Variants in FTO observed in about 807,000 individuals in gnomAD.
FTO encodes FTO alpha-ketoglutarate dependent dioxygenase, also known as alpha-ketoglutarate-dependent dioxygenase FTO.
A neutral mutation model predicts 63.9 loss-of-function variants in FTO; 47 were observed. The observed-to-expected ratio is 0.74, with a 90% confidence interval of 0.58 to 0.94. FTO has a LOEUF of 0.94. Ranked by LOEUF, FTO falls within the 40% of genes least tolerant of loss-of-function variation. The pLI is 0.00. For synonymous variants in FTO, 207 were observed against 224.4 expected (o/e 0.92, Z 0.69); for missense variants, 562 against 618.1 (o/e 0.91, Z 0.96).
chr16:54,057,154 A>G (rs189474422), intron 8 of FTO, among the ~76,000 whole-genome samples: 1 of 152,348 alleles, frequency 6.6e-6, no homozygotes, highest in East Asian at 1.9e-4. Context: ...GGTCTCTAAT[A>G]TAACCCTCCC....
chr16:53,722,129 T>TA (rs1214766249), intron 1 of FTO, among the ~76,000 whole-genome samples: 1 of 152,212 alleles, frequency 6.6e-6, no homozygotes, highest in Non-Finnish European at 1.5e-5. Context: ...TTCATCTCTT[T>TA]CCTTACCGAC....
intron 2 of FTO, among the ~76,000 whole-genome samples, chr16:53,812,703 C>T (rs756850510): frequency 1.3e-5 from 2 of 152,112 alleles, no homozygotes; most frequent in Non-Finnish European, 2.9e-5. Flanking sequence ...TGCTTCTACA[C>T]ACGTACACAC....
chr16:54,028,495 T>C (rs1197043364), intron 8 of FTO, among the ~76,000 whole-genome samples: 1 of 152,148 alleles, frequency 6.6e-6, no homozygotes, highest in Admixed American at 6.6e-5. Context: ...ATCTCAAGGG[T>C]GATATGGTGT....
intron 8 of FTO, among the ~76,000 whole-genome samples, chr16:54,015,518 G>T (rs1567517855): frequency 2.5e-5 from 1 of 40,226 alleles, no homozygotes; most frequent in Non-Finnish European, 3.7e-5. Flanking sequence ...TGGCACAAAT[G>T]CCCATGGCAC....
chr16:53,994,610 G>T (rs1218197938), intron 8 of FTO, among the ~76,000 whole-genome samples: 1 of 152,114 alleles, frequency 6.6e-6, no homozygotes, highest in Non-Finnish European at 1.5e-5. Flanking sequence ...CAATCCTTCT[G>T]CCTCAGCCTC....
intron 7 of FTO, among the ~76,000 whole-genome samples, chr16:53,910,951 G>T (rs2081676582): frequency 6.6e-6 from 1 of 152,218 alleles, no homozygotes; most frequent in African/African-American, 2.4e-5. Flanking sequence ...TTATTAGATG[G>T]ATGGTGATAC....
chr16:53,840,437 A>G (rs2079442392), intron 3 of FTO, among the ~76,000 whole-genome samples: 1 of 152,206 alleles, frequency 6.6e-6, no homozygotes. Context: ...TGCAGCCTCA[A>G]CTTCTTTACT....
At chr16:53,934,400 C>A (rs1304882176) in intron 8 of FTO, among the ~76,000 whole-genome samples, 1 of 152,188 alleles carries the variant, frequency 6.6e-6, no homozygotes, top group Non-Finnish European at 1.5e-5. Context: ...TGCTGAAGAA[C>A]CCTTTTTAAT....
intron 7 of FTO, among the ~76,000 whole-genome samples, chr16:53,897,191 AT>A (rs1051072176): frequency 1.3e-5 from 2 of 150,840 alleles, no homozygotes; most frequent in South Asian, 2.1e-4. Flanking sequence ...TGTGATTGAC[AT>A]TTTTTTTTGC....
intron 1 of FTO, among the ~76,000 whole-genome samples, chr16:53,779,065 T>C (rs1445568586): frequency 1.3e-5 from 2 of 152,158 alleles, no homozygotes; most frequent in Non-Finnish European, 2.9e-5. Context: ...AAGCCTTTGA[T>C]TGCTTTATTT....
intron 8 of FTO, among the ~76,000 whole-genome samples, chr16:54,017,760 A>C (rs1427089850): frequency 2.0e-5 from 3 of 152,170 alleles, no homozygotes; most frequent in Non-Finnish European, 4.4e-5. Context: ...TTTGTGAAGA[A>C]ATCCTGGTGC....
chr16:53,755,920 C>G (rs1471210844), intron 1 of FTO, among the ~76,000 whole-genome samples: 1 of 152,148 alleles, frequency 6.6e-6, no homozygotes, highest in Non-Finnish European at 1.5e-5. Context: ...GAACCACTGT[C>G]CCAGCCTGGT....
intron 8 of FTO, among the ~76,000 whole-genome samples, chr16:53,960,330 G>A (rs185289263): frequency 2.6e-5 from 4 of 152,304 alleles, no homozygotes; most frequent in Admixed American, 2.6e-4. Flanking sequence ...GTGTATCCGT[G>A]TATAAATCCA....
chr16:53,880,289 G>T (rs1598894735), intron 6 of FTO, among the ~76,000 whole-genome samples: 1 of 152,160 alleles, frequency 6.6e-6, no homozygotes, highest in South Asian at 2.1e-4. Flanking sequence ...GAGCCACTGT[G>T]CCTGGCAAGA....
At chr16:54,094,082 C>T (rs866966748) in intron 8 of FTO, among the ~76,000 whole-genome samples, 5 of 152,130 alleles carry the variant, frequency 3.3e-5, no homozygotes, top group African/African-American at 1.2e-4. Context: ...GACAGACCCA[C>T]GCTTTCAAAG....
At position 54,064,158 on chromosome 16, in the gene FTO, G is replaced by A. The variant is rs537849818; in HGVS notation, c.1365-47604G>A. On this transcript the variant is annotated intron_variant, in intron 8 of 8. Transcript: ENST00000471389. ...TGGTTCCTGAAAAATGGTACATGTA[G>A]CTTTAAACTATTATCACCACTGTTG... Among the ~76,000 whole-genome samples the A allele has an allele frequency of 3.3e-5, 5 of 152,126 alleles. 1 individual carries two copies. The highest frequency in any genetic ancestry group is 9.6e-5 in the African/African-American group (4 of 41,482).
chr16:54,000,209 A>G (rs1249108252), intron 8 of FTO, among the ~76,000 whole-genome samples: 2 of 152,156 alleles, frequency 1.3e-5, no homozygotes, highest in African/African-American at 2.4e-5. Flanking sequence ...TTTACTTGTC[A>G]CCTCATGTTG....
chr16:53,791,267 T>C lies in FTO; in HGVS notation c.46-18873T>C, dbSNP rs150118607. Among the ~76,000 whole-genome samples, 68 of 152,306 alleles carry C rather than the reference T, an allele frequency of 4.5e-4. 1 individual carries two copies. The East Asian group carries it at 0.01, about 23-fold the overall frequency. ...TTGGTGGGGAAAGAAAGGATGCAGA[T>C]AGGGAATCTCAGGCACATAGAGGTT... On this transcript the variant is annotated intron_variant, in intron 1 of 8. Transcript: ENST00000471389.
intron 1 of FTO, among the ~76,000 whole-genome samples, chr16:53,708,013 A>G (rs897616805): frequency 6.6e-6 from 1 of 152,222 alleles, no homozygotes; most frequent in Non-Finnish European, 1.5e-5. Context: ...AGGTTCATCC[A>G]TGTTGTAGCA....
Sources: allele counts gnomAD v4.1 joint callset (sites outside exome capture counted in the v4.1 genomes callset), GRCh38; gene constraint gnomAD v4.1.1; transcripts MANE v1.5; gene names NCBI Gene and HGNC (gene_info 2026-07-23, HGNC 2026-07-21).